The following PATJ variants were observed in gnomAD, a reference collection of about 807,000 sequenced individuals.
PATJ encodes the protein inaD-like protein.
In PATJ, 190 loss-of-function variants were observed where a neutral mutation model predicts 224.9. The ratio of observed to expected loss-of-function variants is 0.84; its 90% CI spans 0.75 to 0.95. The LOEUF is 0.95. PATJ is among the 40% of genes least tolerant of loss of function. The pLI, the probability that PATJ is intolerant of heterozygous loss-of-function variation, is 0.00. For synonymous variants in PATJ, 769 were observed against 820.3 expected (o/e 0.94, Z 1.07); for missense variants, 2,121 against 2,270.3 (o/e 0.93, Z 1.34).
chr1:61,961,258 G>A (rs560680881), intron 27 of PATJ, among the ~76,000 whole-genome samples: 1 of 151,972 alleles, frequency 6.6e-6, no homozygotes, highest in African/African-American at 2.4e-5. Flanking sequence ...ACCCACTATC[G>A]CAGCCTGGCA....
chr1:62,065,607 C>CA (rs1312736923), intron 31 of PATJ, among the ~76,000 whole-genome samples: 2 of 151,436 alleles, frequency 1.3e-5, no homozygotes, highest in East Asian at 1.9e-4. Context: ...GACTCTGTCT[C>CA]AAAAAAAATA....
chr1:61,988,085 G>A (rs1404157157), intron 27 of PATJ, among the ~76,000 whole-genome samples: 1 of 152,094 alleles, frequency 6.6e-6, no homozygotes, highest in East Asian at 1.9e-4. Flanking sequence ...TGTGATCCCA[G>A]CTACTCAGGA....
chr1:61,908,840 C>T (rs1433943747), intron 25 of PATJ, among the ~76,000 whole-genome samples: 1 of 152,180 alleles, frequency 6.6e-6, no homozygotes, highest in Non-Finnish European at 1.5e-5. Context: ...GGTGTAAAAA[C>T]ATTGTAGAGA....
chr1:61,936,045 A>G (rs2149322642), intron 27 of PATJ, among the ~76,000 whole-genome samples: 1 of 152,164 alleles, frequency 6.6e-6, no homozygotes, highest in South Asian at 2.1e-4. Context: ...CATACCATAT[A>G]ATTCACCTTC....
chr1:61,782,279 T>C (rs1167725453), intron 7 of PATJ, among the ~76,000 whole-genome samples: 1 of 152,214 alleles, frequency 6.6e-6, no homozygotes, highest in African/African-American at 2.4e-5. Flanking sequence ...AATAAGAGGC[T>C]GTGTGAAAAT....
chr1:62,035,904 T>C (rs1650290485), intron 29 of PATJ, among the ~76,000 whole-genome samples: 1 of 151,892 alleles, frequency 6.6e-6, no homozygotes. Flanking sequence ...GAAGGAGAAA[T>C]AGGAGTAAAT....
rs147353444 is a variant in PATJ at position 61,873,674 on chromosome 1, G to A, written c.2836-1569G>A. Among the ~76,000 whole-genome samples the A allele has an allele frequency of 2.8e-4, 43 of 152,286 alleles. No homozygotes were observed. In the East Asian group the frequency reaches 5.0e-3, roughly 18 times the overall value. On this transcript the variant is annotated intron_variant, in intron 20 of 43. Transcript: ENST00000642238. ...TCTGGTGATGTTAGAGGCAGGAGGC[G>A]GACAAAGGCTTAGGCAGATTAGGAA...
Position 62,128,862 on chromosome 1 carries a change from A to AT in PATJ, c.5190dup (p.Asn1731Ter). 2 of 1,612,642 alleles carry AT rather than the reference A, an allele frequency of 1.2e-6. No individual in the cohort carries two copies. Among genetic ancestry groups the AT allele is most frequent in the Non-Finnish European group, 1.7e-6 (2 of 1,178,712 alleles). ...CCAGGTTGGAGATCGGATTGTCAGC[A>AT]TTAACGGGCAACCTTTGGATGGGCT... is the stretch of plus-strand genomic sequence containing the variant. On this transcript the variant is annotated frameshift_variant, in exon 41 of 44. Transcript: ENST00000642238. LOFTEE classifies it high-confidence loss of function.
At chr1:61,941,965 A>G (rs991526523) in intron 27 of PATJ, among the ~76,000 whole-genome samples, 2 of 152,228 alleles carry the variant, frequency 1.3e-5, no homozygotes, top group African/African-American at 4.8e-5. Flanking sequence ...CCATTAATAA[A>G]TACAGTTTTG....
At chr1:61,783,428 T>C (rs113539663) in intron 7 of PATJ, among the ~76,000 whole-genome samples, 73 of 148,578 alleles carry the variant, frequency 4.9e-4, no homozygotes, top group Admixed American at 1.4e-3. Context: ...CTTTTCTTTT[T>C]TTTTTTTTTT....
At chr1:61,795,987 A>G (rs1651010970) in intron 10 of PATJ, among the ~76,000 whole-genome samples, 1 of 152,204 alleles carries the variant, frequency 6.6e-6, no homozygotes, top group African/African-American at 2.4e-5. Context: ...TATTTTACAT[A>G]TTTAAGAATA....
intron 7 of PATJ, among the ~76,000 whole-genome samples, chr1:61,785,212 T>C (rs1285652012): frequency 6.6e-6 from 1 of 152,196 alleles, no homozygotes; most frequent in African/African-American, 2.4e-5. Flanking sequence ...TAGTCATTGC[T>C]CTCTTTTCAA....
chr1:62,114,324 C>G, intron 35 of PATJ, 78 bp downstream of exon 35: 4 of 1,264,284 alleles, frequency 3.2e-6, no homozygotes, highest in Non-Finnish European at 4.4e-6. Flanking sequence ...AAAGAGAAAG[C>G]CTAATGTAAA....
intron 11 of PATJ, 90 bp downstream of exon 11, chr1:61,797,518 G>A: frequency 8.9e-7 from 1 of 1,126,780 alleles, no homozygotes; most frequent in South Asian, 1.4e-5. Flanking sequence ...GTCTCAGCAG[G>A]AAATGTTGTC....
chr1:61,912,372 T>A (rs889909619), intron 25 of PATJ, among the ~76,000 whole-genome samples: 8 of 151,868 alleles, frequency 5.3e-5, no homozygotes, highest in Non-Finnish European at 7.4e-5. Flanking sequence ...GGTGAGAGGA[T>A]CACTTGAGGT....
At chr1:62,063,147 T>C (rs986325024) in intron 31 of PATJ, among the ~76,000 whole-genome samples, 1 of 152,168 alleles carries the variant, frequency 6.6e-6, no homozygotes, top group Non-Finnish European at 1.5e-5. Context: ...TAGGTCTTAA[T>C]TAAGTCTTCA....
intron 1 of PATJ, among the ~76,000 whole-genome samples, chr1:61,754,862 A>G (rs535601721): frequency 6.6e-6 from 1 of 152,008 alleles, no homozygotes; most frequent in East Asian, 1.9e-4. Flanking sequence ...GAGTTCAAAT[A>G]CAGCCTGGGC....
intron 41 of PATJ, among the ~76,000 whole-genome samples, chr1:62,143,916 A>G (rs778384231): frequency 6.6e-6 from 1 of 152,160 alleles, no homozygotes; most frequent in Non-Finnish European, 1.5e-5. Flanking sequence ...GAAAGCCAGA[A>G]GAGTGTGGGT....
At chr1:61,847,529 A>G (rs1318369696) in intron 17 of PATJ, among the ~76,000 whole-genome samples, 2 of 152,184 alleles carry the variant, frequency 1.3e-5, no homozygotes, top group Non-Finnish European at 2.9e-5. Context: ...AGTGGACTGA[A>G]TGTACTTTGT....
Sources: gnomAD v4.1 joint callset for allele counts (sites outside exome capture counted in the v4.1 genomes callset) on GRCh38, gnomAD v4.1.1 for gene constraint, MANE v1.5 for transcripts, NCBI Gene and HGNC (gene_info 2026-07-23, HGNC 2026-07-21) for gene names.